Variants in ZBTB7C observed in about 807,000 individuals in gnomAD.
The protein encoded by ZBTB7C is zinc finger and BTB domain containing 7C, also known as zinc finger and BTB domain-containing protein 7C.
Under a neutral mutation model 25.7 loss-of-function variants are expected in ZBTB7C, and 8 were observed. The observed-to-expected ratio is 0.31, with a 90% confidence interval of 0.18 to 0.56. ZBTB7C has a LOEUF of 0.56. Ranked by LOEUF, ZBTB7C falls within the 20% of genes least tolerant of loss-of-function variation. The probability of loss-of-function intolerance (pLI) is 0.91; values close to 1 mark genes in which losing one functional copy is unlikely to be tolerated. For synonymous variants in ZBTB7C, 394 were observed against 369.0 expected, an observed-to-expected ratio of 1.07 and a Z score of -0.78; for missense variants, 824 against 855.2, an observed-to-expected ratio of 0.96 and a Z score of 0.46.
chr18:48,326,604 A>G (rs892561673), intron 2 of ZBTB7C, among the ~76,000 whole-genome samples: 5 of 152,220 alleles, frequency 3.3e-5, no homozygotes, highest in Admixed American at 6.5e-5. Context: ...AATCAAAAAA[A>G]AAAGAAAGAA....
chr18:48,361,772 G>T (rs1295225610), intron 1 of ZBTB7C, among the ~76,000 whole-genome samples: 1 of 152,194 alleles, frequency 6.6e-6, no homozygotes, highest in African/African-American at 2.4e-5. Context: ...CAGGGCATTC[G>T]GCTGCTCAGA....
chr18:48,108,431 C>T (rs1193105800), intron 3 of ZBTB7C, among the ~76,000 whole-genome samples: 1 of 152,132 alleles, frequency 6.6e-6, no homozygotes, highest in Non-Finnish European at 1.5e-5. Flanking sequence ...CAGAGGCTTC[C>T]CTGCCCCTAC....
At chr18:48,275,490 T>C (rs569512000) in intron 2 of ZBTB7C, among the ~76,000 whole-genome samples, 65 of 152,148 alleles carry the variant, frequency 4.3e-4, no homozygotes, top group Non-Finnish European at 7.9e-4. Context: ...CAGAGTCTGA[T>C]AGATTGAATT....
chr18:48,293,596 T>C (rs1420124571), intron 2 of ZBTB7C, among the ~76,000 whole-genome samples: 1 of 152,084 alleles, frequency 6.6e-6, no homozygotes, highest in Non-Finnish European at 1.5e-5. Context: ...GGCGCGATGG[T>C]AATTAGAATA....
At chr18:48,328,131 G>A (rs552164459) in intron 2 of ZBTB7C, among the ~76,000 whole-genome samples, 114 of 146,024 alleles carry the variant, frequency 7.8e-4, no homozygotes, top group Non-Finnish European at 1.5e-3. Flanking sequence ...GCAGTGAGCC[G>A]AGATTGCACC....
chr18:48,305,428 T>C lies in ZBTB7C; in HGVS notation c.-79+32746A>G, dbSNP rs114794811. ...TTGCTGCGGGCAAGCTAAAGTTCTA[T>C]CCTGGGAAATACTGCCCAGACCGTA... On this transcript the variant is annotated intron_variant, in intron 2 of 4. Coordinates refer to ENST00000590800, the MANE Select transcript of ZBTB7C (RefSeq NM_001318841.2). 4.7e-3 allele frequency among the ~76,000 whole-genome samples: 722 copies of C among 152,294 alleles called. 5 individuals carry two copies. The highest frequency in any genetic ancestry group is 0.016 in the African/African-American group (671 of 41,552).
In ZBTB7C at chr18:48,258,061, G is replaced by T. The variant is rs114987141; in HGVS notation, c.-78-72066C>A. ...GGAAAAAAACAGAAAACAAAAATAC[G>T]CTTGGAATAGAAAGAAACTTCTTCA... On this transcript the variant is annotated intron_variant, in intron 2 of 4. Transcript: ENST00000590800. Among the ~76,000 whole-genome samples the T allele has an allele frequency of 9.7e-3, 1,482 of 152,014 alleles. 22 individuals carry two copies. The highest frequency in any genetic ancestry group is 0.034 in the African/African-American group (1,408 of 41,462).
intron 2 of ZBTB7C, among the ~76,000 whole-genome samples, chr18:48,199,127 C>T (rs184706415): frequency 1.2e-4 from 18 of 152,308 alleles, no homozygotes; most frequent in African/African-American, 3.4e-4. Flanking sequence ...TTGCAGGCAA[C>T]GTCCTTTTTT....
At chr18:48,224,464 A>G (rs902702310) in intron 2 of ZBTB7C, among the ~76,000 whole-genome samples, 1 of 152,168 alleles carries the variant, frequency 6.6e-6, no homozygotes, top group African/African-American at 2.4e-5. Flanking sequence ...AGTTCCCTCC[A>G]CTGAGGGAAG....
intron 4 of ZBTB7C, among the ~76,000 whole-genome samples, chr18:48,036,487 G>T (rs1358407147): frequency 6.6e-6 from 1 of 152,222 alleles, no homozygotes; most frequent in Admixed American, 6.5e-5. Flanking sequence ...GGGGCGGGGA[G>T]GGTGTCACAA....
chr18:48,383,906 A>T (rs1372735336), intron 1 of ZBTB7C, among the ~76,000 whole-genome samples: 4 of 152,118 alleles, frequency 2.6e-5, no homozygotes, highest in Admixed American at 6.5e-5. Context: ...GGCTGGATGG[A>T]GCCTCGACCT....
intron 1 of ZBTB7C, among the ~76,000 whole-genome samples, chr18:48,405,988 T>C (rs907960639): frequency 5.3e-5 from 8 of 152,104 alleles, no homozygotes; most frequent in African/African-American, 1.4e-4. Context: ...GTGTGGTTCA[T>C]TGATAGGTTT....
At chr18:48,083,390 C>A (rs979883025) in intron 3 of ZBTB7C, among the ~76,000 whole-genome samples, 2 of 152,108 alleles carry the variant, frequency 1.3e-5, no homozygotes, top group Non-Finnish European at 2.9e-5. Context: ...CCACAGTATT[C>A]CTTCATCTCT....
chr18:48,275,589 T>G (rs1484992440), intron 2 of ZBTB7C, among the ~76,000 whole-genome samples: 1 of 152,072 alleles, frequency 6.6e-6, no homozygotes, highest in Non-Finnish European at 1.5e-5. Context: ...ATTACCATAC[T>G]CAGGTCTCCT....
At chr18:48,344,118 G>A (rs1285366124) in intron 1 of ZBTB7C, among the ~76,000 whole-genome samples, 1 of 152,142 alleles carries the variant, frequency 6.6e-6, no homozygotes, top group East Asian at 1.9e-4. Flanking sequence ...CCGAGTAGCT[G>A]GATTGCAGGC....
chr18:48,068,456 T>C (rs897249106), intron 3 of ZBTB7C, among the ~76,000 whole-genome samples: 2 of 151,838 alleles, frequency 1.3e-5, no homozygotes, highest in African/African-American at 4.8e-5. Flanking sequence ...GTCTAAGTCT[T>C]AACCCAGGCT....
chr18:48,175,374 C>T (rs1313178782), intron 3 of ZBTB7C, among the ~76,000 whole-genome samples: 1 of 151,988 alleles, frequency 6.6e-6, no homozygotes, highest in Non-Finnish European at 1.5e-5. Context: ...TTTGGGGAGC[C>T]GAGGTTTCAC....
At chr18:48,316,715 C>A (rs2045956384) in intron 2 of ZBTB7C, among the ~76,000 whole-genome samples, 1 of 152,208 alleles carries the variant, frequency 6.6e-6, no homozygotes, top group Non-Finnish European at 1.5e-5. Flanking sequence ...ATAAGCCAGG[C>A]AGATCCTGGT....
chr18:48,032,671 C>T (rs927310459), intron 4 of ZBTB7C, among the ~76,000 whole-genome samples: 16 of 150,826 alleles, frequency 1.1e-4, no homozygotes, highest in Non-Finnish European at 1.5e-4. Context: ...CTCCTGACCT[C>T]GTGATCTGCC....
Sources: allele counts gnomAD v4.1 joint callset (sites outside exome capture counted in the v4.1 genomes callset), GRCh38; gene constraint gnomAD v4.1.1; transcripts MANE v1.5; gene names NCBI Gene and HGNC (gene_info 2026-07-23, HGNC 2026-07-21).